ADAMTS19: variants seen among roughly 807,000 people sequenced by gnomAD.
The protein encoded by ADAMTS19 is ADAM metallopeptidase with thrombospondin type 1 motif 19, also known as A disintegrin and metalloproteinase with thrombospondin motifs 19.
In ADAMTS19, 93 loss-of-function variants were observed where a neutral mutation model predicts 153.3. The ratio of observed to expected loss-of-function variants is 0.61; its 90% CI spans 0.51 to 0.72. The LOEUF (loss-of-function observed/expected upper bound fraction) is 0.72. Ranked by LOEUF, ADAMTS19 falls within the 30% of genes least tolerant of loss-of-function variation. ADAMTS19 has a pLI of 0.00. For synonymous variants in ADAMTS19, 600 were observed against 556.6 expected, an observed-to-expected ratio of 1.08 and a Z score of -1.10; for missense variants, 1,482 against 1,552.1, an observed-to-expected ratio of 0.95 and a Z score of 0.76.
chr5:129,602,101 A>AT (rs998685524), intron 8 of ADAMTS19, among the ~76,000 whole-genome samples: 68 of 152,068 alleles, frequency 4.5e-4, no homozygotes, highest in African/African-American at 1.6e-3. Flanking sequence ...ATTTTATTTT[A>AT]TTTTTTTTGA....
intron 6 of ADAMTS19, among the ~76,000 whole-genome samples, chr5:129,538,657 T>G (rs891891228): frequency 2.0e-5 from 3 of 152,086 alleles, no homozygotes; most frequent in Non-Finnish European, 4.4e-5. Context: ...AACAACTACC[T>G]GTTTACCCCT....
intron 8 of ADAMTS19, among the ~76,000 whole-genome samples, chr5:129,612,320 C>G (rs867087516): frequency 6.6e-6 from 1 of 151,980 alleles, no homozygotes; most frequent in South Asian, 2.1e-4. Context: ...TTTTTTATGG[C>G]TGCATAGTAT....
intron 16 of ADAMTS19, among the ~76,000 whole-genome samples, chr5:129,671,719 T>C (rs1754307841): frequency 6.6e-6 from 1 of 152,184 alleles, no homozygotes; most frequent in Admixed American, 6.5e-5. Context: ...CTGAAGATTC[T>C]GGCATTATTG....
intron 7 of ADAMTS19, among the ~76,000 whole-genome samples, chr5:129,585,415 A>G (rs1283049952): frequency 6.6e-6 from 1 of 151,808 alleles, no homozygotes; most frequent in African/African-American, 2.4e-5. Flanking sequence ...GACAGTTTTC[A>G]TTTTAGGCTA....
chr5:129,520,430 A>T (rs1386820726), intron 3 of ADAMTS19, among the ~76,000 whole-genome samples: 6 of 152,184 alleles, frequency 3.9e-5, no homozygotes, highest in Non-Finnish European at 8.8e-5. Flanking sequence ...TACCCTGGAC[A>T]CATAAATATG....
chr5:129,474,683 G>A (rs185687259), intron 2 of ADAMTS19, among the ~76,000 whole-genome samples: 1 of 138,136 alleles, frequency 7.2e-6, no homozygotes, highest in African/African-American at 2.9e-5. Context: ...CAACTCAAAG[G>A]CTCCTTTATA....
intron 8 of ADAMTS19, among the ~76,000 whole-genome samples, chr5:129,615,898 G>A (rs568102751): frequency 3.3e-4 from 50 of 152,050 alleles, no homozygotes; most frequent in African/African-American, 1.1e-3. Flanking sequence ...TTTGAATGTA[G>A]GAACTGAGTC....
intron 7 of ADAMTS19, among the ~76,000 whole-genome samples, chr5:129,576,075 T>C (rs773350388): frequency 6.6e-6 from 1 of 151,684 alleles, no homozygotes; most frequent in Non-Finnish European, 1.5e-5. Flanking sequence ...TGGGTCTCGG[T>C]GGTGTAGTTT....
chr5:129,705,814 C>G (rs1042999952), intron 21 of ADAMTS19, among the ~76,000 whole-genome samples: 9 of 152,216 alleles, frequency 5.9e-5, no homozygotes, highest in Admixed American at 4.6e-4. Flanking sequence ...TCAAGAGATA[C>G]GGAGGACAAT....
At chr5:129,595,591 CA>C (rs1413784118) in intron 7 of ADAMTS19, among the ~76,000 whole-genome samples, 1 of 151,922 alleles carries the variant, frequency 6.6e-6, no homozygotes, top group Non-Finnish European at 1.5e-5. Context: ...CAGATGGATT[CA>C]AAGGTGAAAT....
At chr5:129,660,473 T>C (rs1185076237) in intron 15 of ADAMTS19, among the ~76,000 whole-genome samples, 1 of 151,972 alleles carries the variant, frequency 6.6e-6, no homozygotes, top group African/African-American at 2.4e-5. Flanking sequence ...TTCATATTTA[T>C]TTAGTATGCC....
At chr5:129,560,348 TGTGTGGGAGGGTGGGGAAAGATGGTATC>T (rs1753458544) in intron 7 of ADAMTS19, among the ~76,000 whole-genome samples, 1 of 152,196 alleles carries the variant, frequency 6.6e-6, no homozygotes, top group Admixed American at 6.5e-5. Flanking sequence ...TTTAGTTATT[TGTGTGGGAGGGTGGGGAAAGATGGTATC>T]TTCTCCCACT....
chr5:129,493,664 G>A (rs1417014892), intron 2 of ADAMTS19, among the ~76,000 whole-genome samples: 4 of 152,136 alleles, frequency 2.6e-5, no homozygotes, highest in African/African-American at 4.8e-5. Context: ...ATTTCAGTCA[G>A]TCTCTTAGAT....
At chr5:129,606,336 T>C (rs1188901225) in intron 8 of ADAMTS19, among the ~76,000 whole-genome samples, 1 of 152,214 alleles carries the variant, frequency 6.6e-6, no homozygotes, top group South Asian at 2.1e-4. Flanking sequence ...GGCACCATTA[T>C]TGCTACAAGG....
At chr5:129,466,263 C>T (rs1749854443) in intron 2 of ADAMTS19, among the ~76,000 whole-genome samples, 2 of 152,000 alleles carry the variant, frequency 1.3e-5, no homozygotes, top group Non-Finnish European at 2.9e-5. Context: ...GAACTAGTTA[C>T]AACAGATAGG....
chr5:129,530,640 G>A (rs1752167803), intron 6 of ADAMTS19, among the ~76,000 whole-genome samples: 1 of 152,048 alleles, frequency 6.6e-6, no homozygotes, highest in African/African-American at 2.4e-5. Flanking sequence ...GAGTTCTTGA[G>A]GTACTATCTT....
intron 2 of ADAMTS19, among the ~76,000 whole-genome samples, chr5:129,491,227 C>G (rs1421888659): frequency 6.6e-6 from 1 of 152,134 alleles, no homozygotes; most frequent in Non-Finnish European, 1.5e-5. Context: ...TGGTCTCGAT[C>G]TCCTGACCTT....
In ADAMTS19 at chr5:129,550,002, A is replaced by ATATACATATACATGTATATG. The variant is rs1753024652; in HGVS notation, c.1329-1857_1329-1838dup. ...TACATGTATCTGTATATGTATCTAG[A>ATATACATATACATGTATATG]TATACATATACATGTATATGTATAT... On this transcript the variant is annotated intron_variant, in intron 6 of 22. Coordinates refer to ENST00000274487, the MANE Select transcript of ADAMTS19 (RefSeq NM_133638.6). Among the ~76,000 whole-genome samples, 3 of 139,434 alleles carry ATATACATATACATGTATATG rather than the reference A, an allele frequency of 2.2e-5. No homozygotes were observed. In the South Asian group the frequency reaches 6.9e-4, roughly 32 times the overall value. The allele number at this position is 139,434 out of a possible 152,430, so 91.5% of individuals were successfully genotyped here.
intron 18 of ADAMTS19, among the ~76,000 whole-genome samples, chr5:129,688,912 G>T (rs1755207966): frequency 6.6e-6 from 1 of 151,976 alleles, no homozygotes; most frequent in Admixed American, 6.6e-5. Flanking sequence ...TCAGAAGTGT[G>T]GATCAGTTTG....
Sources: allele counts gnomAD v4.1 joint callset (sites outside exome capture counted in the v4.1 genomes callset), GRCh38; gene constraint gnomAD v4.1.1; transcripts MANE v1.5; gene names NCBI Gene and HGNC (gene_info 2026-07-23, HGNC 2026-07-21).